TRAK2: variants seen among roughly 807,000 people sequenced by gnomAD.
TRAK2 encodes trafficking kinesin protein 2.
A neutral mutation model predicts 104.6 loss-of-function variants in TRAK2; 81 were observed. That is an observed-to-expected ratio of 0.77 (90% CI 0.65 to 0.93). The LOEUF (loss-of-function observed/expected upper bound fraction) is 0.93. Among genes scored for constraint, TRAK2 ranks in the 40% least tolerant of loss-of-function variants. The probability of loss-of-function intolerance (pLI) is 0.00; values close to 1 mark genes in which losing one functional copy is unlikely to be tolerated. For missense variants in TRAK2, 1,002 were observed against 1,089.0 expected, an observed-to-expected ratio of 0.92 and a Z score of 1.12; for synonymous variants, 406 against 394.4, an observed-to-expected ratio of 1.03 and a Z score of -0.35.
chr2:201,405,234 A>G (rs568662960), intron 3 of TRAK2, among the ~76,000 whole-genome samples: 1 of 152,332 alleles, frequency 6.6e-6, no homozygotes, highest in South Asian at 2.1e-4. Context: ...TTCATCAGTC[A>G]TATGTTCTTT....
chr2:201,410,428 T>C, intron 2 of TRAK2: 1 of 586,408 alleles, frequency 1.7e-6, no homozygotes, highest in Non-Finnish European at 3.0e-6. Context: ...CACAGATGTT[T>C]TCTGTCACAG....
At position 201,381,223 on chromosome 2, in the gene TRAK2, A is replaced by AAT; in HGVS notation, c.2070-6_2070-5insAT. On this transcript the variant is annotated splice_polypyrimidine_tract_variant and splice_region_variant and intron_variant, in intron 15 of 15. Transcript: ENST00000332624. ...GATAATGAAGGGAACCCAGAGCTTA[A>AAT]AAAAAAAAAAAAAAAGTGGGAGACA... is the stretch of plus-strand genomic sequence containing the variant. The AAT allele has an allele frequency of 1.2e-5, 1 of 85,892 alleles. No individual in the cohort carries two copies. The highest frequency in any genetic ancestry group is 5.1e-5 in the African/African-American group (1 of 19,680). The allele number at this position is 85,892 out of a possible 1,614,324, so 5.3% of individuals were successfully genotyped here. A position where few individuals can be genotyped will look rare whatever the true frequency, so the allele number is the denominator to read the frequency against.
At chr2:201,441,029 A>C (rs902919645) in intron 1 of TRAK2, among the ~76,000 whole-genome samples, 1 of 152,220 alleles carries the variant, frequency 6.6e-6, no homozygotes, top group Non-Finnish European at 1.5e-5. Context: ...CTAGAAGCTT[A>C]ATCATTAAAA....
chr2:201,402,916 C>T (rs1026297075), intron 3 of TRAK2, among the ~76,000 whole-genome samples: 2 of 152,198 alleles, frequency 1.3e-5, no homozygotes, highest in Admixed American at 1.3e-4. Flanking sequence ...GAATTAAAAC[C>T]ACCAATCTGG....
chr2:201,387,998 G>A lies in TRAK2; in HGVS notation c.1401C>T (p.Ser467=), dbSNP rs1412423963. Residue 467 remains serine, a synonymous_variant, in exon 13 of 16, where the codon AGC becomes AGT. Coordinates refer to ENST00000332624, the MANE Select transcript of TRAK2 (RefSeq NM_015049.3). ...GTCCTGGTTGGCCCATCTTCTGGGA[G>A]CTCCTATAGGAAAATCGCGTTCACT... ...QGSSSEEVAG[S]SQKMGQPGPS... 1 of 1,614,046 alleles carries A rather than the reference G, an allele frequency of 6.2e-7. No homozygotes were observed. The highest frequency in any genetic ancestry group is 1.1e-5 in the South Asian group (1 of 91,058).
intron 1 of TRAK2, among the ~76,000 whole-genome samples, chr2:201,449,660 T>A (rs1472938213): frequency 6.6e-6 from 1 of 151,606 alleles, no homozygotes; most frequent in Non-Finnish European, 1.5e-5. Flanking sequence ...AATTTTTTTT[T>A]TTTTTTGAGA....
intron 2 of TRAK2, among the ~76,000 whole-genome samples, chr2:201,413,723 G>C (rs2045023958): frequency 6.6e-6 from 1 of 151,824 alleles, no homozygotes; most frequent in Non-Finnish European, 1.5e-5. Flanking sequence ...CACCAGACCT[G>C]GGTCTCGACT....
intron 1 of TRAK2, among the ~76,000 whole-genome samples, chr2:201,427,887 C>T (rs6435083): frequency 0.71 from 107,815 of 152,012 alleles, 38,517 homozygotes; most frequent in South Asian, 0.88. Context: ...AGATGGTATC[C>T]CATTGTGGTT....
rs1951656988 is a variant in TRAK2, at chr2:201,412,524, C to T, written c.92-4927G>A. Reference sequence around the variant, plus strand: ...GCTTATTGCCTTCAAATATATGTTTCCTTTTATTAAATACAGCATACATAA... The same window carrying T: ...GCTTATTGCCTTCAAATATATGTTTTCTTTTATTAAATACAGCATACATAA... On this transcript the variant is annotated intron_variant, in intron 2 of 15. Transcript: ENST00000332624. 9 of 1,193,724 alleles carry T rather than the reference C, an allele frequency of 7.5e-6. No individual in the cohort carries two copies. In the South Asian group the frequency reaches 1.0e-4, roughly 13 times the overall value. 73.9% of individuals were successfully genotyped at this position (1,193,724 alleles called of 1,614,324 possible).
chr2:201,435,462 G>A (rs939859081), intron 1 of TRAK2, among the ~76,000 whole-genome samples: 2 of 152,192 alleles, frequency 1.3e-5, no homozygotes, highest in Middle Eastern at 3.2e-3. Flanking sequence ...TGGCATAAAA[G>A]CTACCCAAGG....
rs187201961 is a variant in TRAK2 at position 201,429,978 on chromosome 2, C to A, written c.-199-9272G>T. ...CTCCCTATCTTTGCGGTTTTATCTACCTTTGGTCTTTGATCATGATGGGGT... is the reference window on the plus strand; with the variant it reads ...CTCCCTATCTTTGCGGTTTTATCTAACTTTGGTCTTTGATCATGATGGGGT... On this transcript the variant is annotated intron_variant, in intron 1 of 15. Transcript: ENST00000332624. 7.6e-4 allele frequency among the ~76,000 whole-genome samples: 115 copies of A among 152,206 alleles called. 1 individual carries two copies. Among genetic ancestry groups the A allele is most frequent in the African/African-American group, 2.7e-3 (114 of 41,530 alleles).
chr2:201,424,820 G>T (rs1257025950), intron 1 of TRAK2, among the ~76,000 whole-genome samples: 2 of 151,800 alleles, frequency 1.3e-5, no homozygotes, highest in Non-Finnish European at 2.9e-5. Context: ...TGTTAGCCAG[G>T]ATGGTCTCGA....
rs554090894 is a variant in TRAK2 at position 201,445,231 on chromosome 2, C to T, written c.-200+6119G>A. ...AGCTAAGAATAAAGCTAGAACATCA[C>T]TTATATATAAATATTAAGCAGCCAG... is the stretch of plus-strand genomic sequence containing the variant. On this transcript the variant is annotated intron_variant, in intron 1 of 15. Coordinates refer to ENST00000332624, the MANE Select transcript of TRAK2 (RefSeq NM_015049.3). Among the ~76,000 whole-genome samples the T allele has an allele frequency of 4.6e-5, 7 of 152,264 alleles. No homozygotes were observed. In the South Asian group the frequency reaches 8.3e-4, roughly 18 times the overall value.
intron 2 of TRAK2, 39 bp downstream of exon 2, chr2:201,420,378 T>C: frequency 6.4e-7 from 1 of 1,560,970 alleles, no homozygotes; most frequent in Admixed American, 1.7e-5. Context: ...TTTTCTCCTA[T>C]AAGCGATAGC....
chr2:201,381,311 G>C (rs3731709), intron 15 of TRAK2, 93 bp from the exon 16 acceptor site: 666,664 of 1,157,444 alleles, frequency 0.58, 197,664 homozygotes, highest in South Asian at 0.67. Flanking sequence ...AGTTATCCTT[G>C]GTAAATATAA....
chr2:201,426,079 C>A (rs1373975351), intron 1 of TRAK2, among the ~76,000 whole-genome samples: 1 of 152,226 alleles, frequency 6.6e-6, no homozygotes, highest in Non-Finnish European at 1.5e-5. Context: ...GGGTCCCCAA[C>A]TCCTGTGCCA....
Position 201,420,421 on chromosome 2 carries a change from G to C in TRAK2, c.87C>G (p.Ile29Met). Residue 29 changes from isoleucine (I) to methionine (M), a missense_variant, in exon 2 of 16, where the codon ATC becomes ATG. Coordinates refer to ENST00000332624, the MANE Select transcript of TRAK2 (RefSeq NM_015049.3). ...MNSNHRDSES[I>M]TDVCSNEDLP... ...TATTTATTAAACTGGACTTACCAGT[G>C]ATGCTCTCCGAGTCTCTGTGATTGC... 1 of 1,613,556 alleles carries C rather than the reference G, an allele frequency of 6.2e-7. No individual in the cohort carries two copies. Among genetic ancestry groups the C allele is most frequent in the Middle Eastern group, 1.7e-4 (1 of 6,058 alleles).
At chr2:201,438,080 C>G (rs1420376531) in intron 1 of TRAK2, among the ~76,000 whole-genome samples, 1 of 152,160 alleles carries the variant, frequency 6.6e-6, no homozygotes, top group Non-Finnish European at 1.5e-5. Context: ...GTTTCCAGAC[C>G]TACACAATTG....
Position 201,389,786 on chromosome 2 carries a change from G to A in TRAK2, c.1193+15C>T. 2.5e-6 allele frequency: 4 copies of A among 1,595,400 alleles called. No individual in the cohort carries two copies. The highest frequency in any genetic ancestry group is 3.4e-6 in the Non-Finnish European group (4 of 1,168,714). On this transcript the variant is annotated intron_variant, in intron 11 of 15. Transcript: ENST00000332624. ...TTCCAATGATTGAGTAACAACACAT[G>A]TGACCTGTACTTACTTTTGTTTAAA... is the stretch of plus-strand genomic sequence containing the variant.
Sources: allele counts gnomAD v4.1 joint callset (sites outside exome capture counted in the v4.1 genomes callset), GRCh38; gene constraint gnomAD v4.1.1; transcripts MANE v1.5; gene names NCBI Gene and HGNC (gene_info 2026-07-23, HGNC 2026-07-21).